The following DNAH8 variants were observed in gnomAD, a reference collection of about 807,000 sequenced individuals.
DNAH8 encodes axonemal beta dynein heavy chain 8.
Under a neutral mutation model 562.1 loss-of-function variants are expected in DNAH8, and 382 were observed. That is an observed-to-expected ratio of 0.68 (90% CI 0.63 to 0.74). The LOEUF (loss-of-function observed/expected upper bound fraction) is 0.74, where lower values mean the gene tolerates loss of function less well. Among genes scored for constraint, DNAH8 ranks in the 30% least tolerant of loss-of-function variants. The pLI is 0.00. For missense variants in DNAH8, 5,203 were observed against 5,620.4 expected (o/e 0.93, Z 2.37); for synonymous variants, 1,881 against 1,919.4 (o/e 0.98, Z 0.52).
At chr6:38,815,231 A>T (rs1772136598) in intron 25 of DNAH8, among the ~76,000 whole-genome samples, 1 of 152,242 alleles carries the variant, frequency 6.6e-6, no homozygotes, top group Non-Finnish European at 1.5e-5. Flanking sequence ...GTTATTAAAA[A>T]GTTACGTCCG....
At chr6:38,808,685 C>T (rs1360583338) in intron 24 of DNAH8, among the ~76,000 whole-genome samples, 2 of 152,172 alleles carry the variant, frequency 1.3e-5, no homozygotes, top group Admixed American at 6.5e-5. Flanking sequence ...GGCTTAGAAG[C>T]AACCCAAATG....
In DNAH8 at chr6:38,737,937, G is replaced by A. The variant is rs1764230695; in HGVS notation, c.1081G>A (p.Glu361Lys). The A allele has an allele frequency of 1.2e-6, 2 of 1,608,978 alleles. No homozygotes were observed. The highest frequency in any genetic ancestry group is 1.3e-5 in the African/African-American group (1 of 74,506). ...SNSETVHQLE[E>K]VLMVWYKQIE... ...CTCAGAAACTGTTCATCAGCTGGAG[G>A]AAGTGCTGATGGTATGGTACAAACA... Residue 361 changes from glutamate (E) to lysine (K), a missense_variant, in exon 7 of 93, where the codon GAA (glutamate) becomes AAA (lysine). Coordinates refer to ENST00000327475, the MANE Select transcript of DNAH8 (RefSeq NM_001206927.2).
intron 53 of DNAH8, among the ~76,000 whole-genome samples, chr6:38,876,909 A>C (rs1343207031): frequency 1.3e-5 from 2 of 152,178 alleles, no homozygotes; most frequent in East Asian, 3.8e-4. Context: ...GAGATAAATA[A>C]ATTTTTTCAG....
chr6:38,891,685 A>G (rs1779350521), intron 58 of DNAH8, among the ~76,000 whole-genome samples: 1 of 152,230 alleles, frequency 6.6e-6, no homozygotes, highest in Non-Finnish European at 1.5e-5. Flanking sequence ...AATGAGTTGC[A>G]AGGACTGAGC....
rs187782208 is a variant in DNAH8, at chr6:38,717,272, T to C, written c.-35+1857T>C. Among the ~76,000 whole-genome samples, 703 of 152,302 alleles carry C rather than the reference T, an allele frequency of 4.6e-3. 1 individual carries two copies. The highest frequency in any genetic ancestry group is 7.7e-3 in the Non-Finnish European group (521 of 68,014). On this transcript the variant is annotated intron_variant, in intron 1 of 92. Coordinates refer to ENST00000327475, the MANE Select transcript of DNAH8 (RefSeq NM_001206927.2). ...GATGCCACATTCACTCTGTGTGCTT[T>C]GCATCAGCAGAATGTGAATGCTTGG...
intron 80 of DNAH8, among the ~76,000 whole-genome samples, chr6:38,948,282 C>A (rs942943040): frequency 6.6e-6 from 1 of 151,930 alleles, no homozygotes; most frequent in Non-Finnish European, 1.5e-5. Context: ...GCTATGTGAG[C>A]CTTTGCTATT....
At chr6:38,896,856 G>A (rs1391620076) in intron 60 of DNAH8, among the ~76,000 whole-genome samples, 1 of 151,954 alleles carries the variant, frequency 6.6e-6, no homozygotes, top group African/African-American at 2.4e-5. Context: ...GCACGATCTC[G>A]GCTCACTGCA....
chr6:38,905,732 A>C (rs1238675637), intron 62 of DNAH8, among the ~76,000 whole-genome samples: 1 of 152,176 alleles, frequency 6.6e-6, no homozygotes, highest in Non-Finnish European at 1.5e-5. Flanking sequence ...AGCTTAAACG[A>C]AATATTTGTT....
chr6:38,838,699 C>T (rs930451057), intron 33 of DNAH8, among the ~76,000 whole-genome samples: 1 of 152,160 alleles, frequency 6.6e-6, no homozygotes, highest in African/African-American at 2.4e-5. Flanking sequence ...ACGCCTGGCT[C>T]CCCTTGCCTT....
At chr6:38,726,118 T>A (rs1763195953) in intron 3 of DNAH8, among the ~76,000 whole-genome samples, 3 of 152,214 alleles carry the variant, frequency 2.0e-5, no homozygotes, top group Non-Finnish European at 2.9e-5. Context: ...CGAGGATCAG[T>A]CCTGCATTTG....
chr6:38,892,647 A>G (rs1007897948), intron 58 of DNAH8, among the ~76,000 whole-genome samples: 2 of 151,814 alleles, frequency 1.3e-5, no homozygotes, highest in African/African-American at 4.8e-5. Flanking sequence ...TTCCTAACCA[A>G]TCTCCTTGCT....
At chr6:38,841,356 T>A (rs959794367) in intron 33 of DNAH8, among the ~76,000 whole-genome samples, 1 of 151,958 alleles carries the variant, frequency 6.6e-6, no homozygotes, top group African/African-American at 2.4e-5. Context: ...GAGGCAGAGG[T>A]TATGGTGAGC....
intron 21 of DNAH8, among the ~76,000 whole-genome samples, chr6:38,794,356 A>G (rs934135433): frequency 1.3e-5 from 2 of 151,150 alleles, no homozygotes; most frequent in African/African-American, 2.4e-5. Context: ...CATAGAAGCT[A>G]TGGTTTCAGG....
chr6:38,986,152 C>T (rs1167207601), intron 87 of DNAH8, among the ~76,000 whole-genome samples: 6 of 152,104 alleles, frequency 3.9e-5, no homozygotes, highest in Non-Finnish European at 8.8e-5. Context: ...TCAGAATGTA[C>T]CAAATAGATT....
chr6:38,775,398 GC>G (rs1767965568), intron 12 of DNAH8, among the ~76,000 whole-genome samples: 1 of 152,188 alleles, frequency 6.6e-6, no homozygotes, highest in Non-Finnish European at 1.5e-5. Flanking sequence ...GCATGGTGGA[GC>G]TTTTGAGTCC....
rs143439092 is a variant in DNAH8 at position 38,911,614 on chromosome 6, GAATAGA to G, written c.9859+34_9859+39del. Reference sequence around the variant, plus strand: ...AAGAGGAATGGAATGGAATGGGATGGAATAGAAATAGGGTTTATTTGATAGGGATCT... The same window carrying G: ...AAGAGGAATGGAATGGAATGGGATGGAATAGGGTTTATTTGATAGGGATCT... On this transcript the variant is annotated intron_variant, in intron 66 of 92. Transcript: ENST00000327475. The G allele has an allele frequency of 3.8e-3, 5,452 of 1,440,844 alleles. 142 individuals are homozygous for G. In the African/African-American group the frequency reaches 0.057, roughly 15 times the overall value. The allele number at this position is 1,440,844 out of a possible 1,614,324, so 89.3% of individuals were successfully genotyped here.
chr6:38,836,686 C>T (rs763678006), intron 32 of DNAH8, among the ~76,000 whole-genome samples: 38 of 152,024 alleles, frequency 2.5e-4, no homozygotes, highest in South Asian at 1.2e-3. Flanking sequence ...GAGATGTACT[C>T]CAACCCCCTA....
intron 32 of DNAH8, among the ~76,000 whole-genome samples, chr6:38,835,738 G>C (rs1310747036): frequency 1.3e-5 from 2 of 152,146 alleles, no homozygotes; most frequent in Non-Finnish European, 2.9e-5. Context: ...ATAGTGGTGA[G>C]GAACGAGGTG....
At chr6:38,780,506 C>CA (rs35611838) in intron 15 of DNAH8, among the ~76,000 whole-genome samples, 7,043 of 147,202 alleles carry the variant, frequency 0.048, 214 homozygotes, top group South Asian at 0.075. Context: ...GTTATGCATC[C>CA]AAAAAAAAAA....
Sources: allele counts gnomAD v4.1 joint callset (sites outside exome capture counted in the v4.1 genomes callset), GRCh38; gene constraint gnomAD v4.1.1; transcripts MANE v1.5; gene names NCBI Gene and HGNC (gene_info 2026-07-23, HGNC 2026-07-21).